The following EFTUD2 variants were observed in gnomAD, a reference collection of about 807,000 sequenced individuals.
EFTUD2 encodes the protein 116 kDa U5 small nuclear ribonucleoprotein component.
A neutral mutation model predicts 114.3 loss-of-function variants in EFTUD2; 9 were observed. That is an observed-to-expected ratio of 0.08 (90% CI 0.05 to 0.14). The LOEUF is 0.14. EFTUD2 is among the 10% of genes least tolerant of loss of function. The pLI is 1.00. For synonymous variants in EFTUD2, 449 were observed against 462.3 expected, an observed-to-expected ratio of 0.97 and a Z score of 0.37; for missense variants, 765 against 1,241.2, an observed-to-expected ratio of 0.62 and a Z score of 5.76.
At chr17:44,877,913 C>A (rs539591250) in intron 9 of EFTUD2, among the ~76,000 whole-genome samples, 1 of 152,040 alleles carries the variant, frequency 6.6e-6, no homozygotes, top group Non-Finnish European at 1.5e-5. Context: ...GGGCAGATCA[C>A]TTGAGGTCAG....
chr17:44,874,449 T>G (rs1033829003), intron 10 of EFTUD2, among the ~76,000 whole-genome samples: 7 of 152,210 alleles, frequency 4.6e-5, no homozygotes, highest in Admixed American at 2.6e-4. Flanking sequence ...ATATTCCTTT[T>G]GAAAAGTAGT....
rs1344645198 is a variant in EFTUD2, at chr17:44,855,007, G to A, written c.2046-3C>T. ...CAGCAATCATGGTGATCTTGTTCCT[G>A]GTCAGAATGGAAATGGGTGGTAAGG... is the stretch of plus-strand genomic sequence containing the variant. On this transcript the variant is annotated splice_polypyrimidine_tract_variant and splice_region_variant and intron_variant, in intron 20 of 27. Coordinates refer to ENST00000426333, the MANE Select transcript of EFTUD2 (RefSeq NM_004247.4). 6.2e-7 allele frequency: 1 copy of A among 1,613,710 alleles called. No homozygotes were observed. The highest frequency in any genetic ancestry group is 2.2e-5 in the East Asian group (1 of 44,884).
At chr17:44,851,435 A>G (rs993901302) in intron 27 of EFTUD2, 66 bp from the exon 28 acceptor site, 2 of 1,353,800 alleles carry the variant, frequency 1.5e-6, no homozygotes, top group Admixed American at 1.7e-5. Context: ...GAGACTATCC[A>G]AGACCTGTGT....
At chr17:44,872,660 C>T in intron 10 of EFTUD2, 90 bp from the exon 11 acceptor site, 1 of 1,456,580 alleles carries the variant, frequency 6.9e-7, no homozygotes, top group Non-Finnish European at 9.1e-7. Context: ...GTATCACAGC[C>T]ACTCTCCAGC....
Position 44,876,097 on chromosome 17 carries a change from T to A in EFTUD2, c.706A>T (p.Met236Leu). Residue 236 changes from methionine to leucine, a missense_variant, in exon 10 of 28, where the codon ATG becomes TTG. Physicochemically the swap from Met to Leu is conservative, Grantham distance 15. This residue lies in a region of EFTUD2 where 251 missense variants were observed against 357.7 expected (regional missense o/e 0.70). Transcript: ENST00000426333. ...TTGATCAGCCGCTCTGTGTTCAGCA[T>A]CACCTGAGAAAAACAAGGCTCAGAA... ...VLFIDAAEGV[M>L]LNTERLIKHA... 2 of 1,610,302 alleles carry A rather than the reference T, an allele frequency of 1.2e-6. No individual in the cohort carries two copies. Among genetic ancestry groups the A allele is most frequent in the Non-Finnish European group, 1.7e-6 (2 of 1,177,406 alleles).
At chr17:44,859,226 C>T in intron 18 of EFTUD2, 45 bp from the exon 19 acceptor site, 1 of 1,368,572 alleles carries the variant, frequency 7.3e-7, no homozygotes, top group Non-Finnish European at 1.0e-6. Flanking sequence ...CTTATGCCAG[C>T]AAAGGCACAC....
chr17:44,870,423 A>T (rs1003801139), intron 11 of EFTUD2, among the ~76,000 whole-genome samples: 1 of 152,218 alleles, frequency 6.6e-6, no homozygotes, highest in Non-Finnish European at 1.5e-5. Flanking sequence ...TATACATCTA[A>T]TAACAAGAAA....
Position 44,851,291 on chromosome 17 carries a change from G to C in EFTUD2, c.2902C>G (p.Leu968Val), listed in dbSNP as rs2050442926. Residue 968 changes from leucine to valine, a missense_variant, in exon 28 of 28, where the codon CTC (leucine) becomes GTC (valine). By Grantham distance (32) the Leu-to-Val change is conservative. This residue lies in a region of EFTUD2 where 166 missense variants were observed against 401.5 expected (regional missense o/e 0.41). Coordinates refer to ENST00000426333, the MANE Select transcript of EFTUD2 (RefSeq NM_004247.4). ...CCACGCACTCACATGGGGTAATTGA[G>C]CACAACATCCTGTTTGGCAAGTTCC... ...LLELAKQDVV[L>V]NYPM 1.2e-6 allele frequency: 2 copies of C among 1,614,140 alleles called. No homozygotes were observed. Among genetic ancestry groups the C allele is most frequent in the Non-Finnish European group, 1.7e-6 (2 of 1,179,992 alleles).
chr17:44,866,625 C>T (rs2050750843), intron 13 of EFTUD2, among the ~76,000 whole-genome samples: 3 of 152,184 alleles, frequency 2.0e-5, no homozygotes, highest in South Asian at 2.1e-4. Flanking sequence ...GTGATCCTCC[C>T]GCCTTGGCCT....
intron 19 of EFTUD2, 82 bp downstream of exon 19, chr17:44,858,998 G>T: frequency 2.2e-6 from 2 of 929,962 alleles, no homozygotes; most frequent in Non-Finnish European, 1.8e-6. Context: ...CTCTTCCCTT[G>T]GAGCTTCCCA....
At chr17:44,883,541 G>A (rs2051111045) in intron 5 of EFTUD2, 108 bp downstream of exon 5, 3 of 1,040,058 alleles carry the variant, frequency 2.9e-6, no homozygotes, top group African/African-American at 3.1e-5. Flanking sequence ...CTAGTCAGGA[G>A]GTTGAGCCTT....
rs913550579 is a variant in EFTUD2 at position 44,872,581 on chromosome 17, G to C, written c.870-11C>G. On this transcript the variant is annotated splice_polypyrimidine_tract_variant and intron_variant, in intron 10 of 27. Transcript: ENST00000426333. The stretch of plus-strand genomic sequence containing the variant: ...TCAGTGGAATACATGCTGAAACAGA[G>C]ACAGTGGTGAACACAGTGCCAGGCT... 10 of 1,602,098 alleles carry C rather than the reference G, an allele frequency of 6.2e-6. No homozygotes were observed. The highest frequency in any genetic ancestry group is 1.3e-5 in the African/African-American group (1 of 74,706).
chr17:44,851,390 A>C (rs756853277), intron 27 of EFTUD2, 21 bp from the exon 28 acceptor site: 1 of 1,597,510 alleles, frequency 6.3e-7, no homozygotes, highest in South Asian at 1.1e-5. Context: ...TGGGGCAAAT[A>C]TAAGAAAGCC....
chr17:44,890,334 T>C (rs1306744677), intron 2 of EFTUD2, among the ~76,000 whole-genome samples: 1 of 151,544 alleles, frequency 6.6e-6, no homozygotes, highest in African/African-American at 2.4e-5. Flanking sequence ...AAGGGACATC[T>C]TTCTTTCCTG....
At chr17:44,870,609 A>G (rs773264496) in intron 11 of EFTUD2, among the ~76,000 whole-genome samples, 1 of 152,204 alleles carries the variant, frequency 6.6e-6, no homozygotes, top group Non-Finnish European at 1.5e-5. Context: ...CAATGTGAAG[A>G]TGACGAAGAT....
intron 6 of EFTUD2, among the ~76,000 whole-genome samples, chr17:44,882,596 T>G (rs1447274472): frequency 6.6e-6 from 1 of 152,202 alleles, no homozygotes; most frequent in Non-Finnish European, 1.5e-5. Context: ...AGCTGAGAGA[T>G]AATTTATATC....
intron 9 of EFTUD2, among the ~76,000 whole-genome samples, chr17:44,876,669 G>A (rs1373813191): frequency 2.0e-5 from 3 of 151,818 alleles, no homozygotes; most frequent in South Asian, 2.1e-4. Flanking sequence ...TGGCTAACAC[G>A]GTGAAACCCT....
intron 19 of EFTUD2, 110 bp from the exon 20 acceptor site, chr17:44,857,267 C>T: frequency 2.3e-6 from 2 of 857,648 alleles, no homozygotes; most frequent in Middle Eastern, 2.2e-4. Flanking sequence ...GTGAAAACCC[C>T]AACTGCCTTA....
At chr17:44,885,062 C>T (rs1567751440) in intron 4 of EFTUD2, among the ~76,000 whole-genome samples, 194 bp downstream of exon 4, 1 of 152,210 alleles carries the variant, frequency 6.6e-6, no homozygotes, top group African/African-American at 2.4e-5. Flanking sequence ...AAACAGCTAA[C>T]ATTTGGATGA....
Sources: gnomAD v4.1 joint callset for allele counts (sites outside exome capture counted in the v4.1 genomes callset) on GRCh38, gnomAD v4.1.1 for gene constraint, gnomAD v4.1.1 regional missense constraint, MANE v1.5 for transcripts, NCBI Gene and HGNC (gene_info 2026-07-23, HGNC 2026-07-21) for gene names.